The following RORA variants were observed in gnomAD, a reference collection of about 807,000 sequenced individuals.
RORA encodes RAR related orphan receptor A.
A neutral mutation model predicts 69.5 loss-of-function variants in RORA; 7 were observed. The ratio of observed to expected loss-of-function variants is 0.10; its 90% CI spans 0.06 to 0.19. The LOEUF (loss-of-function observed/expected upper bound fraction) is 0.19, where lower values mean the gene tolerates loss of function less well. RORA is among the 10% of genes least tolerant of loss of function. The probability of loss-of-function intolerance (pLI) is 1.00; values close to 1 mark genes in which losing one functional copy is unlikely to be tolerated. For missense variants in RORA, 457 were observed against 663.0 expected, an observed-to-expected ratio of 0.69 and a Z score of 3.41; for synonymous variants, 261 against 240.8, an observed-to-expected ratio of 1.08 and a Z score of -0.78.
intron 1 of RORA, among the ~76,000 whole-genome samples, chr15:60,926,533 C>G (rs1892224094): frequency 6.6e-6 from 1 of 152,238 alleles, no homozygotes; most frequent in African/African-American, 2.4e-5. Flanking sequence ...AGTGGTACAT[C>G]TTCTCAGAGA....
At chr15:61,159,267 A>G (rs2079473299) in intron 1 of RORA, among the ~76,000 whole-genome samples, 1 of 152,162 alleles carries the variant, frequency 6.6e-6, no homozygotes, top group South Asian at 2.1e-4. Context: ...ATCTCTCCCT[A>G]TAAAGAAGCA....
rs1422324293 is a variant in RORA at position 61,061,413 on chromosome 15, G to A, written c.166+167640C>T. ...AATAAATAAATACAAGGGCATCGCA[G>A]GAAGTCCTGATGTCAAGGTAATGCG... On this transcript the variant is annotated intron_variant, in intron 1 of 10. Transcript: ENST00000335670. The surrounding 1 kb of genome is among the most constrained non-coding windows in gnomAD (Gnocchi z 4.4). Among the ~76,000 whole-genome samples the A allele has an allele frequency of 6.7e-6, 1 of 149,562 alleles. No homozygotes were observed. Among genetic ancestry groups the A allele is most frequent in the African/African-American group, 2.5e-5 (1 of 40,714 alleles).
At chr15:60,863,037 A>T (rs763234848) in intron 1 of RORA, among the ~76,000 whole-genome samples, 3 of 152,244 alleles carry the variant, frequency 2.0e-5, no homozygotes, top group Non-Finnish European at 2.9e-5. Context: ...CTTGGGCATT[A>T]AAAATGGGCT....
At chr15:61,138,458 G>A (rs559742694) in intron 1 of RORA, among the ~76,000 whole-genome samples, 1 of 152,236 alleles carries the variant, frequency 6.6e-6, no homozygotes, top group South Asian at 2.1e-4. Context: ...TACTCCCCCA[G>A]GGTTACGAAG....
chr15:60,671,460 A>C (rs1304861013), intron 2 of RORA, among the ~76,000 whole-genome samples: 2 of 152,034 alleles, frequency 1.3e-5, no homozygotes, highest in African/African-American at 4.8e-5. Flanking sequence ...AAATTGTTAA[A>C]AAGATAAGTA....
intron 1 of RORA, among the ~76,000 whole-genome samples, chr15:61,121,674 C>G (rs1188738610): frequency 6.6e-6 from 1 of 152,066 alleles, no homozygotes; most frequent in Non-Finnish European, 1.5e-5. Flanking sequence ...ATCCAGACTT[C>G]CAAAGACTCA....
At chr15:60,958,671 A>C (rs752109689) in intron 1 of RORA, among the ~76,000 whole-genome samples, 1 of 152,200 alleles carries the variant, frequency 6.6e-6, no homozygotes, top group Non-Finnish European at 1.5e-5. Flanking sequence ...AATAAAGGAA[A>C]TAAAACGCAT....
At chr15:60,557,009 A>T in intron 2 of RORA, 1 of 1,184,174 alleles carries the variant, frequency 8.4e-7, no homozygotes, top group East Asian at 2.4e-5. Context: ...GCACATCCCC[A>T]AATGCTTGAA....
intron 1 of RORA, among the ~76,000 whole-genome samples, chr15:60,967,323 C>G (rs1316029376): frequency 6.6e-6 from 1 of 152,192 alleles, no homozygotes; most frequent in Admixed American, 6.5e-5. Context: ...TTTTTAGCCT[C>G]TACTTCATTA....
At chr15:60,624,536 A>G (rs1450460635) in intron 2 of RORA, among the ~76,000 whole-genome samples, 1 of 132,838 alleles carries the variant, frequency 7.5e-6, no homozygotes, top group African/African-American at 2.9e-5. Flanking sequence ...TAGTATATAT[A>G]TATTTGCTGT....
chr15:60,872,299 T>G (rs747623996), intron 1 of RORA, among the ~76,000 whole-genome samples: 7 of 152,150 alleles, frequency 4.6e-5, no homozygotes, highest in Non-Finnish European at 7.4e-5. Flanking sequence ...CTCTGGAGAA[T>G]GCAATGAAAA....
intron 1 of RORA, among the ~76,000 whole-genome samples, chr15:60,861,271 A>G (rs949321801): frequency 6.6e-6 from 1 of 152,190 alleles, no homozygotes; most frequent in African/African-American, 2.4e-5. Context: ...TCTCAGAAAA[A>G]AAATGTGCTT....
At chr15:61,124,517 A>G (rs1455637814) in intron 1 of RORA, among the ~76,000 whole-genome samples, 1 of 152,230 alleles carries the variant, frequency 6.6e-6, no homozygotes, top group Non-Finnish European at 1.5e-5. Flanking sequence ...GCACTGGAAC[A>G]TGGCTTTCTA....
At chr15:60,525,561 C>G (rs1472864993) in intron 3 of RORA, among the ~76,000 whole-genome samples, 3 of 152,196 alleles carry the variant, frequency 2.0e-5, no homozygotes, top group Non-Finnish European at 4.4e-5. Context: ...AGCTGCCTTG[C>G]TGAATTCTAA....
intron 8 of RORA, among the ~76,000 whole-genome samples, chr15:60,502,306 T>A (rs1173704702): frequency 2.0e-5 from 3 of 152,186 alleles, no homozygotes; most frequent in Non-Finnish European, 4.4e-5. Flanking sequence ...AAATTATATA[T>A]CATGGTTTCA....
At chr15:60,776,634 G>C (rs1414626218) in intron 1 of RORA, among the ~76,000 whole-genome samples, 1 of 152,192 alleles carries the variant, frequency 6.6e-6, no homozygotes, top group Admixed American at 6.5e-5. Context: ...TTGCAATTGA[G>C]CCGTGGCTGT....
intron 2 of RORA, among the ~76,000 whole-genome samples, chr15:60,592,229 CGCG>C (rs1248995036): frequency 6.6e-6 from 1 of 151,898 alleles, no homozygotes; most frequent in Non-Finnish European, 1.5e-5. Context: ...CAGGTGGCGC[CGCG>C]GCGGTGGCCC....
chr15:60,558,927 G>A (rs1282061159), intron 2 of RORA, among the ~76,000 whole-genome samples: 1 of 152,156 alleles, frequency 6.6e-6, no homozygotes, highest in East Asian at 1.9e-4. Flanking sequence ...GTAGGCTTTA[G>A]AAAAGTGTGC....
Position 61,133,932 on chromosome 15 carries a change from A to T in RORA, c.166+95121T>A, listed in dbSNP as rs112318951. On this transcript the variant is annotated intron_variant, in intron 1 of 10. Transcript: ENST00000335670. ...CACAGGAAGGCAAAGGCTCATGAACATCTTGCCAAAACACAACTGAAAGGA... is the reference window on the plus strand; with the variant it reads ...CACAGGAAGGCAAAGGCTCATGAACTTCTTGCCAAAACACAACTGAAAGGA... Among the ~76,000 whole-genome samples, 691 of 152,330 alleles carry T rather than the reference A, an allele frequency of 4.5e-3. 6 individuals are homozygous for T. The highest frequency in any genetic ancestry group is 0.016 in the African/African-American group (649 of 41,570).
Sources: gnomAD v4.1 joint callset for allele counts (sites outside exome capture counted in the v4.1 genomes callset) on GRCh38, gnomAD v4.1.1 for gene constraint, Gnocchi (gnomAD v3.1) non-coding constraint, MANE v1.5 for transcripts, NCBI Gene and HGNC (gene_info 2026-07-23, HGNC 2026-07-21) for gene names.